Variants in NR5A2 observed in about 807,000 individuals in gnomAD.
The protein encoded by NR5A2 is CYP7A promoter-binding factor.
A neutral mutation model predicts 62.7 loss-of-function variants in NR5A2; 26 were observed. The ratio of observed to expected loss-of-function variants is 0.41; its 90% CI spans 0.30 to 0.58. The LOEUF is 0.58. NR5A2 is among the 20% of genes least tolerant of loss of function. The probability of loss-of-function intolerance (pLI) is 0.22; values close to 1 mark genes in which losing one functional copy is unlikely to be tolerated. For synonymous variants in NR5A2, 246 were observed against 241.7 expected (o/e 1.02, Z -0.16); for missense variants, 541 against 669.1 (o/e 0.81, Z 2.11).
At chr1:200,094,386 T>C (rs1376541373) in intron 5 of NR5A2, among the ~76,000 whole-genome samples, 1 of 151,644 alleles carries the variant, frequency 6.6e-6, no homozygotes, top group African/African-American at 2.4e-5. Context: ...AGTTTCACCA[T>C]GTTGCCCAGG....
chr1:200,138,297 G>A (rs2737618), intron 7 of NR5A2, among the ~76,000 whole-genome samples: 37,914 of 152,052 alleles, frequency 0.25, 6,136 homozygotes, highest in Non-Finnish European at 0.35. Flanking sequence ...ATTTCTAGGC[G>A]TAGTAAATGA....
At chr1:200,152,883 TC>T (rs959451912) in intron 7 of NR5A2, among the ~76,000 whole-genome samples, 5 of 152,198 alleles carry the variant, frequency 3.3e-5, no homozygotes, top group African/African-American at 1.2e-4. Flanking sequence ...GATTAATTAG[TC>T]TTTGCTGGTT....
intron 7 of NR5A2, among the ~76,000 whole-genome samples, chr1:200,142,850 T>C (rs1176349527): frequency 1.3e-5 from 2 of 152,226 alleles, no homozygotes; most frequent in Non-Finnish European, 1.5e-5. Context: ...CTTATGGCAC[T>C]GATATCTTTC....
chr1:200,153,911 GT>G (rs1351682379), intron 7 of NR5A2, among the ~76,000 whole-genome samples: 2 of 152,124 alleles, frequency 1.3e-5, no homozygotes, highest in Non-Finnish European at 1.5e-5. Context: ...CCCTAATCAT[GT>G]AAGATTTGAA....
chr1:200,095,899 G>A (rs547103909), intron 5 of NR5A2, among the ~76,000 whole-genome samples: 2 of 152,050 alleles, frequency 1.3e-5, no homozygotes, highest in African/African-American at 4.8e-5. Context: ...AAAGTCTAAT[G>A]AGACATAAAG....
chr1:200,118,878 G>A (rs1046274965), intron 6 of NR5A2, among the ~76,000 whole-genome samples: 2 of 152,208 alleles, frequency 1.3e-5, no homozygotes, highest in South Asian at 4.1e-4. Context: ...CCAGCTCAGG[G>A]TTCAGGTTGC....
At chr1:200,070,724 A>G (rs914512034) in intron 5 of NR5A2, among the ~76,000 whole-genome samples, 5 of 150,964 alleles carry the variant, frequency 3.3e-5, no homozygotes, top group Non-Finnish European at 5.9e-5. Flanking sequence ...AATAACTTTT[A>G]ATCAAAAATC....
intron 5 of NR5A2, among the ~76,000 whole-genome samples, chr1:200,081,906 AC>A (rs564418711): frequency 2.8e-4 from 42 of 152,104 alleles, no homozygotes; most frequent in Admixed American, 4.6e-4. Flanking sequence ...TAAAAAAAAA[AC>A]ACCACTCATT....
At position 200,082,646 on chromosome 1, in the gene NR5A2, A is replaced by G. The variant is rs145068674; in HGVS notation, c.1111-28556A>G. ...AGTATTAAGACTTATATGTCTTCACATTTCACATTAGAATGTTTTAAACTC... is the reference window on the plus strand; with the variant it reads ...AGTATTAAGACTTATATGTCTTCACGTTTCACATTAGAATGTTTTAAACTC... On this transcript the variant is annotated intron_variant, in intron 5 of 7. Coordinates refer to ENST00000367362, the MANE Select transcript of NR5A2 (RefSeq NM_205860.3). Among the ~76,000 whole-genome samples, 29 of 152,326 alleles carry G rather than the reference A, an allele frequency of 1.9e-4. No homozygotes were observed. In the East Asian group the frequency reaches 5.4e-3, roughly 28 times the overall value.
chr1:200,115,037 T>TG (rs2102300533), intron 6 of NR5A2, among the ~76,000 whole-genome samples: 1 of 49,436 alleles, frequency 2.0e-5, no homozygotes, highest in South Asian at 9.1e-4. Flanking sequence ...ATGGATATGC[T>TG]TTTTTTGTGG....
Position 200,174,023 on chromosome 1 carries a change from C to T in NR5A2, c.1439C>T (p.Ala480Val). 2 of 1,607,530 alleles carry T rather than the reference C, an allele frequency of 1.2e-6. No homozygotes were observed. Among genetic ancestry groups the T allele is most frequent in the South Asian group, 1.1e-5 (1 of 89,988 alleles). The change falls in exon 8 of 8, where the codon GCC (alanine) becomes GTC (valine). Residue 480 changes from alanine (A) to valine (V), a missense_variant. Coordinates refer to ENST00000367362, the MANE Select transcript of NR5A2 (RefSeq NM_205860.3). The stretch of plus-strand genomic sequence containing the variant: ...GGTGTCCAGGAACAAGTCAATGCCG[C>T]CCTGCTGGACTACACAATGTGTAAC... ...VEGVQEQVNA[A>V]LLDYTMCNYP...
At position 200,174,071 on chromosome 1, in the gene NR5A2, T is replaced by C. The variant is rs946976621; in HGVS notation, c.1487T>C (p.Phe496Ser). The change falls in exon 8 of 8, where the codon TTT (phenylalanine) becomes TCT (serine). Residue 496 changes from phenylalanine to serine, a missense_variant. Transcript: ENST00000367362. The stretch of plus-strand genomic sequence containing the variant: ...AACTACCCGCAGCAGACAGAGAAAT[T>C]TGGACAGCTACTTCTTCGACTACCC... Reference protein sequence around the residue: ...MCNYPQQTEKFGQLLLRLPEI... With the variant: ...MCNYPQQTEKSGQLLLRLPEI... The C allele has an allele frequency of 1.2e-6, 2 of 1,613,534 alleles. No individual in the cohort carries two copies. The highest frequency in any genetic ancestry group is 8.5e-7 in the Non-Finnish European group (1 of 1,179,914).
At chr1:200,094,280 G>A (rs1051411528) in intron 5 of NR5A2, among the ~76,000 whole-genome samples, 22 of 151,500 alleles carry the variant, frequency 1.5e-4, no homozygotes, top group African/African-American at 5.3e-4. Context: ...TAAGCAAGGG[G>A]TTTAAGTGAG....
At chr1:200,086,211 A>C (rs1664518807) in intron 5 of NR5A2, among the ~76,000 whole-genome samples, 1 of 152,182 alleles carries the variant, frequency 6.6e-6, no homozygotes, top group Non-Finnish European at 1.5e-5. Context: ...CCTTCCTTTA[A>C]TTACTATGTC....
chr1:200,077,009 T>A (rs1571431915), intron 5 of NR5A2, among the ~76,000 whole-genome samples: 1 of 152,348 alleles, frequency 6.6e-6, no homozygotes, highest in Admixed American at 6.5e-5. Flanking sequence ...GTGACATGTA[T>A]ACAAACTATC....
intron 7 of NR5A2, among the ~76,000 whole-genome samples, chr1:200,133,544 T>C (rs917575874): frequency 5.9e-5 from 3 of 51,254 alleles, no homozygotes; most frequent in Non-Finnish European, 1.0e-4. Flanking sequence ...CATATATATA[T>C]ATACACATAT....
chr1:200,153,898 A>G (rs1049051453), intron 7 of NR5A2, among the ~76,000 whole-genome samples: 4 of 152,222 alleles, frequency 2.6e-5, no homozygotes, highest in African/African-American at 4.8e-5. Flanking sequence ...TAATTATTTC[A>G]TTCCCTAATC....
chr1:200,040,709 C>T (rs1662025305), intron 2 of NR5A2, among the ~76,000 whole-genome samples: 2 of 152,346 alleles, frequency 1.3e-5, no homozygotes, highest in South Asian at 4.1e-4. Context: ...TCCCGGAACG[C>T]TTCCTGCCAT....
chr1:200,050,958 A>G (rs1451931163), intron 5 of NR5A2, among the ~76,000 whole-genome samples: 1 of 152,214 alleles, frequency 6.6e-6, no homozygotes, highest in Non-Finnish European at 1.5e-5. Context: ...CAGAATCTAC[A>G]TAATTTTTAT....
Sources: allele counts gnomAD v4.1 joint callset (sites outside exome capture counted in the v4.1 genomes callset), GRCh38; gene constraint gnomAD v4.1.1; transcripts MANE v1.5; gene names NCBI Gene and HGNC (gene_info 2026-07-23, HGNC 2026-07-21).